The following ADGRV1 variants were observed in gnomAD, a reference collection of about 807,000 sequenced individuals.
The protein encoded by ADGRV1 is G-protein coupled receptor 98.
A neutral mutation model predicts 596.2 loss-of-function variants in ADGRV1; 359 were observed. That is an observed-to-expected ratio of 0.60 (90% CI 0.55 to 0.66). The LOEUF (loss-of-function observed/expected upper bound fraction) is 0.66, where lower values mean the gene tolerates loss of function less well. Among genes scored for constraint, ADGRV1 ranks in the 30% least tolerant of loss-of-function variants. ADGRV1 has a pLI of 0.00. For missense variants in ADGRV1, 7,274 were observed against 7,575.6 expected, an observed-to-expected ratio of 0.96 and a Z score of 1.48; for synonymous variants, 2,681 against 2,679.2, an observed-to-expected ratio of 1.00 and a Z score of -0.02.
intron 3 of ADGRV1, 21 bp from the exon 4 acceptor site, chr5:90,619,065 A>C (rs1210241935): frequency 2.2e-5 from 25 of 1,151,704 alleles, no homozygotes; most frequent in Non-Finnish European, 2.9e-5. Flanking sequence ...TCATTATTTT[A>C]TTTTTGGGAT....
intron 83 of ADGRV1, among the ~76,000 whole-genome samples, chr5:90,920,517 C>T (rs565906266): frequency 6.6e-6 from 1 of 151,930 alleles, no homozygotes; most frequent in Non-Finnish European, 1.5e-5. Flanking sequence ...AATTTATGTA[C>T]CTTTAACAGA....
chr5:90,621,182 C>T (rs184978523), intron 4 of ADGRV1, among the ~76,000 whole-genome samples: 108 of 152,158 alleles, frequency 7.1e-4, no homozygotes, highest in African/African-American at 2.6e-3. Flanking sequence ...TCGGAGTCTC[C>T]TTGAATCACA....
intron 52 of ADGRV1, among the ~76,000 whole-genome samples, chr5:90,747,976 A>G (rs1561650230): frequency 6.6e-6 from 1 of 152,236 alleles, no homozygotes; most frequent in Non-Finnish European, 1.5e-5. Flanking sequence ...TCTGACTCAC[A>G]TTTTAGAAGG....
At chr5:90,598,220 C>A (rs140128788) in intron 1 of ADGRV1, among the ~76,000 whole-genome samples, 1 of 152,148 alleles carries the variant, frequency 6.6e-6, no homozygotes, top group African/African-American at 2.4e-5. Flanking sequence ...TTATGCCTGG[C>A]AGATAGTAGA....
At chr5:90,788,539 T>A (rs370439404) in intron 68 of ADGRV1, among the ~76,000 whole-genome samples, 3 of 152,212 alleles carry the variant, frequency 2.0e-5, no homozygotes, top group Admixed American at 1.3e-4. Flanking sequence ...ATGATACTTA[T>A]TTTATAAGCT....
chr5:90,939,391 G>A (rs540502922), intron 83 of ADGRV1, among the ~76,000 whole-genome samples: 1 of 152,274 alleles, frequency 6.6e-6, no homozygotes, highest in East Asian at 1.9e-4. Flanking sequence ...ATGACGATTA[G>A]GTTAATTTGA....
intron 48 of ADGRV1, among the ~76,000 whole-genome samples, chr5:90,727,415 C>T (rs1276157368): frequency 1.3e-5 from 2 of 152,042 alleles, no homozygotes; most frequent in African/African-American, 4.8e-5. Context: ...ACTCCAGGTC[C>T]CCATTATTTC....
chr5:90,784,628 A>G (rs1326174836), intron 67 of ADGRV1, among the ~76,000 whole-genome samples: 1 of 152,182 alleles, frequency 6.6e-6, no homozygotes, highest in Admixed American at 6.5e-5. Context: ...GGCATGTTTC[A>G]GGCATGGAGG....
chr5:90,848,168 G>T (rs949226491), intron 78 of ADGRV1, among the ~76,000 whole-genome samples: 1 of 152,096 alleles, frequency 6.6e-6, no homozygotes, highest in Non-Finnish European at 1.5e-5. Flanking sequence ...TTCTCATTTG[G>T]TGCTTTAAAT....
intron 26 of ADGRV1, 67 bp from the exon 27 acceptor site, chr5:90,681,248 T>G: frequency 1.9e-6 from 3 of 1,556,646 alleles, no homozygotes; most frequent in South Asian, 1.2e-5. Context: ...TTCCTTGGCT[T>G]TTTCTTTGAT....
At chr5:91,058,666 G>A (rs1200038923) in intron 85 of ADGRV1, among the ~76,000 whole-genome samples, 3 of 152,028 alleles carry the variant, frequency 2.0e-5, no homozygotes, top group Non-Finnish European at 2.9e-5. Flanking sequence ...TCCTTATTAC[G>A]TGCCTCTTTT....
At chr5:90,671,176 T>C (rs1350894605) in intron 21 of ADGRV1, among the ~76,000 whole-genome samples, 2 of 152,248 alleles carry the variant, frequency 1.3e-5, no homozygotes, top group South Asian at 4.1e-4. Flanking sequence ...GGTATCTGTT[T>C]CTGTGTCCCC....
intron 78 of ADGRV1, among the ~76,000 whole-genome samples, chr5:90,847,081 T>C (rs767096925): frequency 2.6e-5 from 4 of 151,148 alleles, no homozygotes; most frequent in Admixed American, 1.3e-4. Flanking sequence ...CACAATCCCT[T>C]AGCTAGACAT....
rs149956498 is a variant in ADGRV1, at chr5:90,698,087, C to T, written c.8155+941C>T. On this transcript the variant is annotated intron_variant, in intron 34 of 89. Transcript: ENST00000405460. Reference sequence around the variant, plus strand: ...TTATTTATCCATGCAAATATTCGAGCCATTTTCAGTACTCTACTTTTATTA... The same window carrying T: ...TTATTTATCCATGCAAATATTCGAGTCATTTTCAGTACTCTACTTTTATTA... Among the ~76,000 whole-genome samples the T allele has an allele frequency of 4.6e-5, 7 of 152,180 alleles. No homozygotes were observed. In the East Asian group the frequency reaches 1.4e-3, roughly 29 times the overall value.
intron 38 of ADGRV1, 141 bp from the exon 39 acceptor site, chr5:90,708,675 C>T: frequency 2.1e-6 from 1 of 481,202 alleles, no homozygotes; most frequent in Non-Finnish European, 3.7e-6. Context: ...TTTATTTTTT[C>T]TAATTTACAT....
chr5:90,633,147 T>C (rs1166651642), intron 9 of ADGRV1, among the ~76,000 whole-genome samples: 2 of 152,280 alleles, frequency 1.3e-5, no homozygotes, highest in East Asian at 3.9e-4. Context: ...TAAAGAATGA[T>C]TCTTTATGAA....
At chr5:90,896,751 G>C (rs1464966804) in intron 83 of ADGRV1, among the ~76,000 whole-genome samples, 1 of 152,122 alleles carries the variant, frequency 6.6e-6, no homozygotes, top group African/African-American at 2.4e-5. Context: ...TGAAACTACT[G>C]TAAGAAAATA....
intron 83 of ADGRV1, among the ~76,000 whole-genome samples, chr5:90,887,182 A>C (rs931056884): frequency 1.1e-4 from 17 of 151,954 alleles, no homozygotes; most frequent in African/African-American, 4.1e-4. Flanking sequence ...CCCACACCAC[A>C]CGGACCTTGC....
intron 1 of ADGRV1, among the ~76,000 whole-genome samples, chr5:90,564,549 A>G (rs1755286789): frequency 6.6e-6 from 1 of 152,134 alleles, no homozygotes. Context: ...TGTTTTTTAA[A>G]TTGATAGATA....
Sources: gnomAD v4.1 joint callset for allele counts (sites outside exome capture counted in the v4.1 genomes callset) on GRCh38, gnomAD v4.1.1 for gene constraint, MANE v1.5 for transcripts, NCBI Gene and HGNC (gene_info 2026-07-23, HGNC 2026-07-21) for gene names.